Variants in ZNF184 observed in about 807,000 individuals in gnomAD.
The protein encoded by ZNF184 is zinc finger protein 184, also known as zinc finger protein 184 (Kruppel-like).
ZNF184 carries 16 observed loss-of-function variants against 54.4 expected under a neutral mutation model. That is an observed-to-expected ratio of 0.29 (90% confidence interval 0.20 to 0.45). The LOEUF is 0.45. Among genes scored for constraint, ZNF184 ranks in the 20% least tolerant of loss-of-function variants. ZNF184 has a pLI of 1.00. For synonymous variants in ZNF184, 254 were observed against 295.3 expected (o/e 0.86, Z 1.43); for missense variants, 681 against 888.2 (o/e 0.77, Z 2.97).
In ZNF184 at chr6:27,451,726, G is replaced by C. The variant is rs1462039368; in HGVS notation, c.1833C>G (p.Ala611=). 6.2e-7 allele frequency: 1 copy of C among 1,613,872 alleles called. No individual in the cohort carries two copies. The highest frequency in any genetic ancestry group is 1.7e-5 in the Admixed American group (1 of 60,014). Residue 611 remains alanine, a synonymous_variant, in exon 6 of 6, where the codon GCC becomes GCG. Coordinates refer to ENST00000683788, the MANE Select transcript of ZNF184 (RefSeq NM_001318891.2). The part of the protein sequence containing the change: ...LTQHKRIHTG[A]KPYECAECGK... ...CACACTCAGCACACTCATAAGGCTT[G>C]GCTCCTGTATGAATTCTCTTATGCT...
the ZNF184 span, among the ~76,000 whole-genome samples, chr6:27,436,473 T>A: frequency 6.6e-6 from 1 of 152,224 alleles, no homozygotes; most frequent in East Asian, 1.9e-4. Context: ...CTTATGAGTT[T>A]ATTTTATTGT....
chr6:27,436,780 C>T, the ZNF184 span, among the ~76,000 whole-genome samples: 3 of 152,200 alleles, frequency 2.0e-5, no homozygotes, highest in Non-Finnish European at 2.9e-5. Context: ...AGAAAAGGAA[C>T]ACTGCTTTGT....
rs1487354613 is a variant in ZNF184 at position 27,472,243 on chromosome 6, C to A, written c.7+45G>T. On this transcript the variant is annotated intron_variant, in intron 2 of 5. Transcript: ENST00000683788. This position sits in a 1 kb window ranked among gnomAD's most constrained non-coding sequence, Gnocchi z 4.8. The stretch of plus-strand genomic sequence containing the variant: ...ATTTGATACTCCAGTCATGACTGTT[C>A]TCAAGCCTCCATCACCCCGCTCTCC... 1.2e-6 allele frequency: 2 copies of A among 1,613,030 alleles called. No homozygotes were observed.
chr6:27,470,352 A>G (rs1763244806), intron 2 of ZNF184, among the ~76,000 whole-genome samples: 1 of 152,200 alleles, frequency 6.6e-6, no homozygotes. Flanking sequence ...GGTGATGAAT[A>G]ATATGGAGAA....
intron 2 of ZNF184, among the ~76,000 whole-genome samples, chr6:27,470,983 T>C (rs1253566567): frequency 6.6e-6 from 1 of 152,206 alleles, no homozygotes; most frequent in Non-Finnish European, 1.5e-5. Flanking sequence ...CAAACCTACA[T>C]TATTCACATG....
intron 4 of ZNF184, 28 bp downstream of exon 4, chr6:27,457,255 G>T (rs1762879907): frequency 6.2e-7 from 1 of 1,611,458 alleles, no homozygotes; most frequent in African/African-American, 1.3e-5. Flanking sequence ...CACACCCCTT[G>T]ATATTAACTC....
At chr6:27,420,918 A>G in the ZNF184 span, among the ~76,000 whole-genome samples, 1 of 152,324 alleles carries the variant, frequency 6.6e-6, no homozygotes, top group South Asian at 2.1e-4. Flanking sequence ...TGCTAAAAAG[A>G]AATGAGCTAT....
intron 3 of ZNF184, among the ~76,000 whole-genome samples, chr6:27,465,980 CA>C (rs1763125742): frequency 6.6e-6 from 1 of 152,134 alleles, no homozygotes; most frequent in African/African-American, 2.4e-5. Flanking sequence ...CCTAACATGG[CA>C]AAAGAGACTT....
intron 3 of ZNF184, among the ~76,000 whole-genome samples, chr6:27,462,936 A>G (rs1763034105): frequency 6.6e-6 from 1 of 151,690 alleles, no homozygotes; most frequent in Non-Finnish European, 1.5e-5. Context: ...AGAAAAGTCA[A>G]TCAACTGAAA....
At chr6:27,462,467 GGA>G (rs1339916811) in intron 3 of ZNF184, among the ~76,000 whole-genome samples, 1 of 150,910 alleles carries the variant, frequency 6.6e-6, no homozygotes, top group Non-Finnish European at 1.5e-5. Flanking sequence ...CAAAGTGCTG[GGA>G]TTACGGGTGT....
At chr6:27,439,551 A>G in the ZNF184 span, among the ~76,000 whole-genome samples, 9 of 152,336 alleles carry the variant, frequency 5.9e-5, no homozygotes, top group African/African-American at 2.2e-4. Flanking sequence ...AGAGTAGCCT[A>G]GCACTGTGTC....
the ZNF184 span, among the ~76,000 whole-genome samples, chr6:27,444,989 C>G: frequency 2.6e-5 from 4 of 152,326 alleles, no homozygotes; most frequent in East Asian, 7.7e-4. Flanking sequence ...TGGAAACTCT[C>G]AAACATGGGT....
intron 3 of ZNF184, among the ~76,000 whole-genome samples, chr6:27,467,096 C>A (rs1763157370): frequency 6.6e-6 from 1 of 152,182 alleles, no homozygotes; most frequent in African/African-American, 2.4e-5. Flanking sequence ...AGAATCCATA[C>A]CTCCAGCCCC....
chr6:27,457,512 A>G, intron 3 of ZNF184, 103 bp from the exon 4 acceptor site: 1 of 1,267,548 alleles, frequency 7.9e-7, no homozygotes, highest in Non-Finnish European at 1.1e-6. Context: ...GGATGTCTGC[A>G]AAATAATCTT....
intron 3 of ZNF184, 115 bp downstream of exon 3, chr6:27,467,738 G>T (rs1479248804): frequency 1.1e-5 from 10 of 948,720 alleles, no homozygotes; most frequent in African/African-American, 1.7e-5. Context: ...ACAGATGAGA[G>T]CCCAGAATGA....
chr6:27,468,267 C>A (rs1261717477), intron 2 of ZNF184, among the ~76,000 whole-genome samples: 1 of 152,228 alleles, frequency 6.6e-6, no homozygotes. Flanking sequence ...TTTCCAAAAG[C>A]CTTCATAGGC....
the ZNF184 span, among the ~76,000 whole-genome samples, chr6:27,430,084 C>T: frequency 6.6e-6 from 1 of 152,174 alleles, no homozygotes; most frequent in Non-Finnish European, 1.5e-5. Context: ...TTTGTTTGTA[C>T]AGATTTCCCT....
chr6:27,442,792 AAGAAAGAAAG>A, the ZNF184 span, among the ~76,000 whole-genome samples: 5 of 83,592 alleles, frequency 6.0e-5, no homozygotes, highest in East Asian at 3.1e-4. Flanking sequence ...GAAAGGAAGA[AAGAAAGAAAG>A]AGAAAGAAAG....
At chr6:27,428,562 A>T in the ZNF184 span, among the ~76,000 whole-genome samples, 1 of 152,136 alleles carries the variant, frequency 6.6e-6, no homozygotes, top group South Asian at 2.1e-4. The surrounding 1 kb of genome is among the most constrained non-coding windows in gnomAD (Gnocchi z 4.1). Flanking sequence ...CCACTGGTAA[A>T]TGGAAGACAC....
Sources: gnomAD v4.1 joint callset for allele counts (sites outside exome capture counted in the v4.1 genomes callset) on GRCh38, gnomAD v4.1.1 for gene constraint, Gnocchi (gnomAD v3.1) non-coding constraint, MANE v1.5 for transcripts, NCBI Gene and HGNC (gene_info 2026-07-23, HGNC 2026-07-21) for gene names.